The following ERCC6L2 variants were observed in gnomAD, a reference collection of about 807,000 sequenced individuals.
ERCC6L2 encodes ERCC excision repair 6 like 2.
Under a neutral mutation model 132.0 loss-of-function variants are expected in ERCC6L2, and 77 were observed. That is an observed-to-expected ratio of 0.58 (90% CI 0.49 to 0.71). ERCC6L2 has a LOEUF of 0.71. ERCC6L2 is among the 30% of genes least tolerant of loss of function. ERCC6L2 has a pLI of 0.00. For missense variants in ERCC6L2, 1,542 were observed against 1,837.6 expected, an observed-to-expected ratio of 0.84 and a Z score of 2.94; for synonymous variants, 583 against 632.4, an observed-to-expected ratio of 0.92 and a Z score of 1.17.
At chr9:95,969,611 C>G (rs1832322738) in intron 14 of ERCC6L2, among the ~76,000 whole-genome samples, 1 of 152,144 alleles carries the variant, frequency 6.6e-6, no homozygotes, top group African/African-American at 2.4e-5. Flanking sequence ...ATTTCTAGTA[C>G]TGCCACTTTC....
intron 11 of ERCC6L2, among the ~76,000 whole-genome samples, chr9:95,936,686 C>G (rs1830569200): frequency 6.6e-6 from 1 of 152,158 alleles, no homozygotes; most frequent in African/African-American, 2.4e-5. Context: ...TTATCACAAC[C>G]AGGATACTGA....
intron 2 of ERCC6L2, among the ~76,000 whole-genome samples, chr9:95,891,920 T>C (rs1285552274): frequency 1.3e-5 from 2 of 152,144 alleles, no homozygotes; most frequent in African/African-American, 4.8e-5. Flanking sequence ...GTTGTAAGAA[T>C]TTTTATGTAT....
chr9:95,922,125 G>A lies in ERCC6L2; in HGVS notation c.1300-180G>A, dbSNP rs41305459. Among the ~76,000 whole-genome samples, 503 of 152,296 alleles carry A rather than the reference G, an allele frequency of 3.3e-3. 2 individuals carry two copies. Among genetic ancestry groups the A allele is most frequent in the Admixed American group, 6.2e-3 (95 of 15,292 alleles). On this transcript the variant is annotated intron_variant, in intron 7 of 18. Coordinates refer to ENST00000653738, the MANE Select transcript of ERCC6L2 (RefSeq NM_020207.7). ...ATAGTTGTATTATGATTTACCAAAA[G>A]TATGCTTCCACATTAGCTATTTGTG...
intron 3 of ERCC6L2, among the ~76,000 whole-genome samples, chr9:95,900,579 G>A (rs1241352244): frequency 6.6e-6 from 1 of 152,072 alleles, no homozygotes; most frequent in Non-Finnish European, 1.5e-5. Context: ...ATGATGGGAG[G>A]GCTGAACCCT....
Position 96,017,031 on chromosome 9 carries a change from C to A in ERCC6L2, c.*3828C>A, listed in dbSNP as rs1477137269. On this transcript the variant is annotated 3_prime_UTR_variant, in exon 19 of 19. Coordinates refer to ENST00000653738, the MANE Select transcript of ERCC6L2 (RefSeq NM_020207.7). The stretch of plus-strand genomic sequence containing the variant: ...TGAACCTGTCAGCCCCAATGACAGG[C>A]ACACACCTTCAAAGAGCAAGAGTGC... Among the ~76,000 whole-genome samples the A allele has an allele frequency of 6.6e-6, 1 of 152,220 alleles. No homozygotes were observed. Among genetic ancestry groups the A allele is most frequent in the Non-Finnish European group, 1.5e-5 (1 of 68,050 alleles).
intron 12 of ERCC6L2, among the ~76,000 whole-genome samples, chr9:95,944,639 A>G (rs1317261975): frequency 1.3e-5 from 2 of 151,376 alleles, no homozygotes; most frequent in African/African-American, 2.4e-5. Context: ...ATTCAGCCAG[A>G]TATCGGGCGA....
At chr9:95,909,501 G>A (rs1395282347) in intron 4 of ERCC6L2, among the ~76,000 whole-genome samples, 1 of 152,074 alleles carries the variant, frequency 6.6e-6, no homozygotes, top group African/African-American at 2.4e-5. Context: ...TTTAATTTCT[G>A]CCACTTATAG....
chr9:95,935,359 C>T (rs1053719817), intron 11 of ERCC6L2, among the ~76,000 whole-genome samples: 1 of 152,066 alleles, frequency 6.6e-6, no homozygotes, highest in Non-Finnish European at 1.5e-5. Context: ...TATGTGGAGG[C>T]AACAGCTTGG....
intron 17 of ERCC6L2, among the ~76,000 whole-genome samples, chr9:95,987,952 C>G (rs905366123): frequency 6.6e-6 from 1 of 152,218 alleles, no homozygotes; most frequent in African/African-American, 2.4e-5. Context: ...CTCAACACCA[C>G]GTGGAAGCTG....
intron 19 of ERCC6L2, among the ~76,000 whole-genome samples, chr9:96,038,464 C>T (rs976259342): frequency 1.3e-5 from 2 of 152,188 alleles, no homozygotes; most frequent in African/African-American, 2.4e-5. Flanking sequence ...TTTGGAACAG[C>T]AGTAGGAGTC....
At chr9:95,930,926 G>A (rs1232218595) in intron 11 of ERCC6L2, among the ~76,000 whole-genome samples, 1 of 152,054 alleles carries the variant, frequency 6.6e-6, no homozygotes, top group Non-Finnish European at 1.5e-5. Context: ...TTTGTCAAGG[G>A]TATTAATGTT....
intron 17 of ERCC6L2, among the ~76,000 whole-genome samples, chr9:95,986,098 G>A (rs1833084610): frequency 6.6e-6 from 1 of 152,114 alleles, no homozygotes; most frequent in Non-Finnish European, 1.5e-5. Flanking sequence ...CTCCTCCAAA[G>A]CAGTGTAAAT....
At chr9:96,026,509 C>G (rs1441006494) in intron 19 of ERCC6L2, among the ~76,000 whole-genome samples, 1 of 152,052 alleles carries the variant, frequency 6.6e-6, no homozygotes, top group African/African-American at 2.4e-5. Flanking sequence ...ACAGGCCAGG[C>G]GGCTTCCGCA....
intron 9 of ERCC6L2, among the ~76,000 whole-genome samples, chr9:95,925,976 A>C (rs1830082664): frequency 6.6e-6 from 1 of 152,212 alleles, no homozygotes; most frequent in Non-Finnish European, 1.5e-5. Context: ...GCAAATAAGC[A>C]TGTGAAAAGA....
At chr9:95,990,883 T>C (rs952585847) in intron 17 of ERCC6L2, among the ~76,000 whole-genome samples, 1 of 152,114 alleles carries the variant, frequency 6.6e-6, no homozygotes, top group Non-Finnish European at 1.5e-5. Flanking sequence ...TATGAACTGT[T>C]TGAAAGGTGA....
intron 4 of ERCC6L2, among the ~76,000 whole-genome samples, chr9:95,909,595 G>GT (rs1448526942): frequency 2.0e-5 from 3 of 152,106 alleles, no homozygotes; most frequent in African/African-American, 7.2e-5. Flanking sequence ...TGTTCAGCAT[G>GT]TTTTTTGAGA....
At chr9:96,008,275 T>C (rs1235820364) in intron 18 of ERCC6L2, among the ~76,000 whole-genome samples, 1 of 152,170 alleles carries the variant, frequency 6.6e-6, no homozygotes, top group East Asian at 1.9e-4. Flanking sequence ...CTAGATATAT[T>C]GTATGCTGCT....
At chr9:95,877,104 G>A (rs1266355312) in intron 1 of ERCC6L2, 1 of 152,200 alleles carries the variant, frequency 6.6e-6, no homozygotes, top group Non-Finnish European at 1.5e-5. Flanking sequence ...TCACCAGAAT[G>A]AGTTGAGTTG....
intron 1 of ERCC6L2, 109 bp downstream of exon 1, chr9:95,876,193 C>A (rs1245828604): frequency 3.5e-5 from 35 of 992,548 alleles, no homozygotes; most frequent in Non-Finnish European, 4.9e-5. Flanking sequence ...AGATCCTCTT[C>A]AGTGACAGCT....
Sources: gnomAD v4.1 joint callset for allele counts (sites outside exome capture counted in the v4.1 genomes callset) on GRCh38, gnomAD v4.1.1 for gene constraint, MANE v1.5 for transcripts, NCBI Gene and HGNC (gene_info 2026-07-23, HGNC 2026-07-21) for gene names.